IGF1: variants seen among roughly 807,000 people sequenced by gnomAD.
IGF1 encodes the protein insulin like growth factor 1, also known as insulin-like growth factor 1.
A neutral mutation model predicts 13.8 loss-of-function variants in IGF1; 4 were observed. That is an observed-to-expected ratio of 0.29 (90% CI 0.14 to 0.66). The LOEUF (loss-of-function observed/expected upper bound fraction) is 0.66, where lower values mean the gene tolerates loss of function less well. IGF1 is among the 30% of genes least tolerant of loss of function. The pLI, the probability that IGF1 is intolerant of heterozygous loss-of-function variation, is 0.78. For synonymous variants in IGF1, 76 were observed against 72.6 expected (o/e 1.05, Z -0.23); for missense variants, 124 against 188.5 (o/e 0.66, Z 2.00).
chr12:102,468,788 T>C (rs1880492701), intron 2 of IGF1, among the ~76,000 whole-genome samples: 1 of 152,206 alleles, frequency 6.6e-6, no homozygotes, highest in African/African-American at 2.4e-5. Flanking sequence ...TTGTCAAAGA[T>C]GTCTGGCTGC....
chr12:102,438,326 A>G (rs1361786961), intron 2 of IGF1, among the ~76,000 whole-genome samples: 3 of 152,222 alleles, frequency 2.0e-5, no homozygotes, highest in Non-Finnish European at 4.4e-5. Context: ...GCCAAATCCT[A>G]TGTCAAAGGA....
At chr12:102,463,530 G>T (rs1266905816) in intron 2 of IGF1, 1 of 152,142 alleles carries the variant, frequency 6.6e-6, no homozygotes, top group Admixed American at 6.5e-5. Context: ...CAAACTACTA[G>T]GGTTTATTAA....
At chr12:102,406,858 C>CGAGGT in intron 3 of IGF1, among the ~76,000 whole-genome samples, 1 of 151,914 alleles carries the variant, frequency 6.6e-6, no homozygotes, top group South Asian at 2.1e-4. Context: ...TTTGGGAGGC[C>CGAGGT]GAGGTGGGCA....
chr12:102,438,439 T>G (rs562408365), intron 2 of IGF1, among the ~76,000 whole-genome samples: 37 of 152,326 alleles, frequency 2.4e-4, no homozygotes, highest in Admixed American at 2.4e-3. Context: ...CGTTATCTTA[T>G]TTTGCAGAGT....
rs1483073452 is a variant in IGF1, at chr12:102,399,689, A to G, written c.*2818T>C. On this transcript the variant is annotated 3_prime_UTR_variant, in exon 4 of 4. Transcript: ENST00000337514. ...AAGATAATATGGCAGTGCATCTTTC[A>G]GCTTTCCTCCTTGGGGGATTTTTGA... is the stretch of plus-strand genomic sequence containing the variant. The G allele has an allele frequency of 1.3e-5, 2 of 152,200 alleles. No homozygotes were observed. The highest frequency in any genetic ancestry group is 4.8e-5 in the African/African-American group (2 of 41,466). 9.4% of individuals were successfully genotyped at this position (152,200 alleles called of 1,614,324 possible). A position where few individuals can be genotyped will look rare whatever the true frequency, so the allele number is the denominator to read the frequency against.
chr12:102,446,467 C>T (rs1801456894), intron 2 of IGF1, among the ~76,000 whole-genome samples: 1 of 152,084 alleles, frequency 6.6e-6, no homozygotes, highest in Non-Finnish European at 1.5e-5. Context: ...TGTATGTGTC[C>T]AGCAATTTAT....
At chr12:102,472,901 A>C (rs1880775878) in intron 2 of IGF1, among the ~76,000 whole-genome samples, 1 of 152,172 alleles carries the variant, frequency 6.6e-6, no homozygotes, top group African/African-American at 2.4e-5. Flanking sequence ...AAATAAAAGC[A>C]GTTTTATTAA....
At chr12:102,428,722 C>A (rs191984508) in intron 2 of IGF1, among the ~76,000 whole-genome samples, 57 of 152,332 alleles carry the variant, frequency 3.7e-4, no homozygotes, top group African/African-American at 1.4e-3. Context: ...CTTTCGGCCC[C>A]AGGAGGACTG....
intron 2 of IGF1, among the ~76,000 whole-genome samples, chr12:102,474,498 T>C (rs866126674): frequency 6.6e-6 from 1 of 152,180 alleles, no homozygotes; most frequent in South Asian, 2.1e-4. Context: ...CAGACTGGTA[T>C]ACACAGGCCA....
Position 102,406,275 on chromosome 12 carries a change from G to A in IGF1, c.403-3709C>T, listed in dbSNP as rs561572066. 4.1e-4 allele frequency among the ~76,000 whole-genome samples: 63 copies of A among 152,266 alleles called. No homozygotes were observed. In the South Asian group the frequency reaches 0.013, roughly 31 times the overall value. On this transcript the variant is annotated intron_variant, in intron 3 of 3. Coordinates refer to ENST00000337514, the MANE Select transcript of IGF1 (RefSeq NM_000618.5). ...TTGCTCATTGTCTTAACTTAATTACGCCAGCCACCCTTGACAATGGGCGGC... is the reference window on the plus strand; with the variant it reads ...TTGCTCATTGTCTTAACTTAATTACACCAGCCACCCTTGACAATGGGCGGC...
intron 2 of IGF1, among the ~76,000 whole-genome samples, chr12:102,431,798 T>C (rs1876763769): frequency 6.6e-6 from 1 of 152,228 alleles, no homozygotes; most frequent in African/African-American, 2.4e-5. Context: ...CAGAGTTTTA[T>C]CCTAGGTATT....
chr12:102,431,635 G>T (rs1392956234), intron 2 of IGF1, among the ~76,000 whole-genome samples: 1 of 152,118 alleles, frequency 6.6e-6, no homozygotes, highest in Non-Finnish European at 1.5e-5. Flanking sequence ...GGAACACCTT[G>T]AAAGTGAGAG....
chr12:102,442,417 G>T (rs1877941805), intron 2 of IGF1, among the ~76,000 whole-genome samples: 1 of 152,068 alleles, frequency 6.6e-6, no homozygotes, highest in African/African-American at 2.4e-5. Context: ...GACATAGTGG[G>T]TGATGCAAAA....
intron 3 of IGF1, among the ~76,000 whole-genome samples, chr12:102,404,837 A>G (rs1194336391): frequency 1.3e-5 from 2 of 149,362 alleles, no homozygotes; most frequent in Non-Finnish European, 3.0e-5. Context: ...AGCTCACTGC[A>G]ACCTCTGCCT....
At position 102,397,806 on chromosome 12, in the gene IGF1, G is replaced by C. The variant is rs1470420781; in HGVS notation, c.*4701C>G. The C allele has an allele frequency of 6.6e-6, 1 of 152,130 alleles. No homozygotes were observed. Among genetic ancestry groups the C allele is most frequent in the Non-Finnish European group, 1.5e-5 (1 of 68,016 alleles). 9.4% of individuals were successfully genotyped at this position (152,130 alleles called of 1,614,324 possible). A position where few individuals can be genotyped will look rare whatever the true frequency, so the allele number is the denominator to read the frequency against. Reference sequence around the variant, plus strand: ...TCAGATTTATCTTTTGAAAATATTGGTGGAAAGCCATGTGATTTGAATGGA... The same window carrying C: ...TCAGATTTATCTTTTGAAAATATTGCTGGAAAGCCATGTGATTTGAATGGA... On this transcript the variant is annotated 3_prime_UTR_variant, in exon 4 of 4. Coordinates refer to ENST00000337514, the MANE Select transcript of IGF1 (RefSeq NM_000618.5).
intron 2 of IGF1, among the ~76,000 whole-genome samples, chr12:102,461,437 A>G (rs1325105586): frequency 6.6e-6 from 1 of 151,314 alleles, no homozygotes; most frequent in African/African-American, 2.4e-5. Flanking sequence ...CCCAGTGGGA[A>G]CCCTCATAGA....
intron 2 of IGF1, among the ~76,000 whole-genome samples, chr12:102,440,646 CT>C (rs1877638249): frequency 6.6e-6 from 1 of 152,118 alleles, no homozygotes; most frequent in African/African-American, 2.4e-5. Flanking sequence ...TCTTTGGTAG[CT>C]GGACTGCAGG....
intron 2 of IGF1, among the ~76,000 whole-genome samples, chr12:102,460,488 C>T (rs1383235077): frequency 1.3e-5 from 2 of 152,172 alleles, no homozygotes; most frequent in African/African-American, 4.8e-5. Context: ...GCATCATTCT[C>T]CCTTGGGTAT....
At position 102,419,567 on chromosome 12, in the gene IGF1, G is replaced by A. The variant is rs1219431527; in HGVS notation, c.344C>T (p.Ala115Val). The A allele has an allele frequency of 9.3e-6, 15 of 1,613,936 alleles. No individual in the cohort carries two copies. The highest frequency in any genetic ancestry group is 4.5e-5 in the East Asian group (2 of 44,870). Residue 115 changes from alanine to valine, a missense_variant, in exon 3 of 4, where the codon GCC becomes GTC. Physicochemically the swap from Ala to Val is moderately conservative, Grantham distance 64. This residue lies in a region of IGF1 where 99 missense variants were observed against 171.4 expected (regional missense o/e 0.58). Transcript: ENST00000337514. ...GGCACGGACAGAGCGAGCTGACTTGGCAGGCTTGAGGGGTGCGCAATACAT... is the reference window on the plus strand; with the variant it reads ...GGCACGGACAGAGCGAGCTGACTTGACAGGCTTGAGGGGTGCGCAATACAT... ...LEMYCAPLKPAKSARSVRAQR... is the reference protein window; with the variant it reads ...LEMYCAPLKPVKSARSVRAQR...
Sources: allele counts gnomAD v4.1 joint callset (sites outside exome capture counted in the v4.1 genomes callset), GRCh38; gene constraint gnomAD v4.1.1; regional missense constraint gnomAD v4.1.1; transcripts MANE v1.5; gene names NCBI Gene and HGNC (gene_info 2026-07-23, HGNC 2026-07-21).